CTNNA1: variants seen among roughly 807,000 people sequenced by gnomAD.
CTNNA1 encodes catenin alpha 1, also known as catenin alpha-1.
CTNNA1 carries 37 observed loss-of-function variants against 98.4 expected under a neutral mutation model. The ratio of observed to expected loss-of-function variants is 0.38; its 90% CI spans 0.29 to 0.49. CTNNA1 has a LOEUF of 0.49. Among genes scored for constraint, CTNNA1 ranks in the 20% least tolerant of loss-of-function variants. CTNNA1 has a pLI of 0.95. For missense variants in CTNNA1, 761 were observed against 1,147.2 expected (o/e 0.66, Z 4.86); for synonymous variants, 404 against 413.2 (o/e 0.98, Z 0.27).
intron 9 of CTNNA1, among the ~76,000 whole-genome samples, chr5:138,893,211 G>A (rs1338175710): frequency 1.3e-5 from 2 of 152,062 alleles, no homozygotes; most frequent in Admixed American, 1.3e-4. Flanking sequence ...GAGCAGTGGA[G>A]GCTGTCATCA....
intron 11 of CTNNA1, among the ~76,000 whole-genome samples, chr5:138,919,812 A>G (rs142275520): frequency 8.9e-4 from 136 of 152,302 alleles, no homozygotes; most frequent in Middle Eastern, 3.4e-3. Flanking sequence ...AATCATTAAT[A>G]GGGCAAGGCC....
At chr5:138,918,036 A>G in intron 11 of CTNNA1, 138 bp downstream of exon 11, 1 of 987,524 alleles carries the variant, frequency 1.0e-6, no homozygotes, top group South Asian at 1.7e-5. Context: ...TTTCATTTTA[A>G]TGTTAAAAAA....
Position 138,827,703 on chromosome 5 carries a change from G to A in CTNNA1, c.1047G>A (p.Ser349=), listed in dbSNP as rs752758897. 3.7e-6 allele frequency: 6 copies of A among 1,614,182 alleles called. No individual in the cohort carries two copies. The highest frequency in any genetic ancestry group is 1.6e-4 in the Middle Eastern group (1 of 6,062). The change falls in exon 7 of 18, where the codon TCG becomes TCA. Residue 349 remains serine (S), a synonymous_variant. Transcript: ENST00000302763. The part of the protein sequence containing the change: ...AVRQALQDLL[S]EYMGNAGRKE... The stretch of plus-strand genomic sequence containing the variant: ...GCCAGGCCCTGCAGGACCTGCTTTC[G>A]GAGTACATGGGCAATGTGAGTTTGA...
Position 138,925,330 on chromosome 5 carries a change from G to T in CTNNA1, c.1822G>T (p.Glu608Ter). The T allele has an allele frequency of 6.2e-7, 1 of 1,614,142 alleles. No homozygotes were observed. ...LSSDPAQPMD[E>*]NEFIDASRLV... ...CTCGGACCCTGCCCAGCCCATGGAT[G>T]AGAATGAGTTTATCGATGCTTCCCG... The change falls in exon 13 of 18, where the codon GAG (glutamate) becomes TAG (stop). Residue 608 changes from glutamate to a stop codon, truncating the protein, a stop_gained. Transcript: ENST00000302763. LOFTEE classifies it high-confidence loss of function.
intron 4 of CTNNA1, among the ~76,000 whole-genome samples, chr5:138,811,182 G>C (rs1226835645): frequency 6.8e-6 from 1 of 147,946 alleles, no homozygotes; most frequent in Admixed American, 6.7e-5. Context: ...CAGGCGGAGG[G>C]TCTCCTCACT....
chr5:138,863,620 G>A (rs915626298), intron 7 of CTNNA1, among the ~76,000 whole-genome samples: 1 of 152,162 alleles, frequency 6.6e-6, no homozygotes, highest in Non-Finnish European at 1.5e-5. Context: ...AGGAGAACAC[G>A]TATGATTATC....
At chr5:138,871,859 T>C (rs911175874) in intron 7 of CTNNA1, 2 of 152,240 alleles carry the variant, frequency 1.3e-5, no homozygotes, top group African/African-American at 4.8e-5. Flanking sequence ...GTGTTTTTTT[T>C]CATGGTTCCT....
At chr5:138,811,027 C>T (rs1365610117) in intron 4 of CTNNA1, among the ~76,000 whole-genome samples, 1 of 152,016 alleles carries the variant, frequency 6.6e-6, no homozygotes, top group African/African-American at 2.4e-5. Flanking sequence ...CTGACCCCCA[C>T]CTCCCTCCCG....
chr5:138,843,653 A>T (rs994859245), intron 7 of CTNNA1, among the ~76,000 whole-genome samples: 1 of 152,234 alleles, frequency 6.6e-6, no homozygotes, highest in African/African-American at 2.4e-5. Flanking sequence ...AGGGGTCTTG[A>T]CAAAGTGAAC....
chr5:138,858,718 C>T (rs1250185542), intron 7 of CTNNA1, among the ~76,000 whole-genome samples: 1 of 151,832 alleles, frequency 6.6e-6, no homozygotes, highest in Non-Finnish European at 1.5e-5. Flanking sequence ...GTCTCAGCCT[C>T]CCAAGTAGCT....
Position 138,874,851 on chromosome 5 carries a change from AT to A in CTNNA1, c.1063-11357del, listed in dbSNP as rs1751138809. 6.6e-7 allele frequency: 1 copy of A among 1,523,500 alleles called. No individual in the cohort carries two copies. 94.4% of individuals were successfully genotyped at this position (1,523,500 alleles called of 1,614,324 possible). Reference sequence around the variant, plus strand: ...TCATAAAATGTGAATTCGGTAGCTTATTTTAAAAGCGTGATTCCTTGTTGAA... The same window carrying A: ...TCATAAAATGTGAATTCGGTAGCTTATTTAAAAGCGTGATTCCTTGTTGAA... On this transcript the variant is annotated intron_variant, in intron 7 of 17. Coordinates refer to ENST00000302763, the MANE Select transcript of CTNNA1 (RefSeq NM_001903.5). This position sits in a 1 kb window ranked among gnomAD's most constrained non-coding sequence, Gnocchi z 4.1.
In CTNNA1 at chr5:138,873,612, C is replaced by G. The variant is rs370649836; in HGVS notation, c.1063-12600C>G. On this transcript the variant is annotated intron_variant, in intron 7 of 17. Coordinates refer to ENST00000302763, the MANE Select transcript of CTNNA1 (RefSeq NM_001903.5). The surrounding 1 kb of genome is among the most constrained non-coding windows in gnomAD (Gnocchi z 6.1). ...CAGGAGGCCAGAGCACATATTCGGG[C>G]GCTGCATTCCCACAGATTGCCAGAG... 6.2e-7 allele frequency: 1 copy of G among 1,613,828 alleles called. No homozygotes were observed. Among genetic ancestry groups the G allele is most frequent in the African/African-American group, 1.3e-5 (1 of 74,910 alleles).
chr5:138,888,746 C>T (rs28363449), intron 9 of CTNNA1, among the ~76,000 whole-genome samples: 1,953 of 151,172 alleles, frequency 0.013, 48 homozygotes, highest in African/African-American at 0.04. Flanking sequence ...TTAGTAGAGA[C>T]GGGGCTGGTC....
chr5:138,851,843 G>A (rs1216419914), intron 7 of CTNNA1, among the ~76,000 whole-genome samples: 1 of 152,016 alleles, frequency 6.6e-6, no homozygotes, highest in Non-Finnish European at 1.5e-5. Flanking sequence ...ATCACCTGTG[G>A]TCAGGAGTTC....
chr5:138,834,991 A>C (rs1462147686), intron 7 of CTNNA1, among the ~76,000 whole-genome samples: 1 of 152,102 alleles, frequency 6.6e-6, no homozygotes, highest in African/African-American at 2.4e-5. Context: ...TACATTGTCA[A>C]GGGTGGGGAG....
chr5:138,905,111 A>AACACATACATAC (rs1554105203), intron 10 of CTNNA1, among the ~76,000 whole-genome samples: 1 of 139,270 alleles, frequency 7.2e-6, no homozygotes, highest in Non-Finnish European at 1.5e-5. Context: ...AAAAAAAAAA[A>AACACATACATAC]ATACATACAT....
At chr5:138,821,195 T>C (rs1760007436) in intron 5 of CTNNA1, among the ~76,000 whole-genome samples, 1 of 152,248 alleles carries the variant, frequency 6.6e-6, no homozygotes, top group African/African-American at 2.4e-5. Context: ...TGTTGTTCTT[T>C]GACTGTAAGT....
At chr5:138,876,228 C>T (rs1415456852) in intron 7 of CTNNA1, among the ~76,000 whole-genome samples, 1 of 152,202 alleles carries the variant, frequency 6.6e-6, no homozygotes, top group Non-Finnish European at 1.5e-5. Flanking sequence ...TCCGCTGGTA[C>T]TGAGGTTGGT....
At chr5:138,782,377 C>T (rs574686215) in intron 2 of CTNNA1, 9 of 446,366 alleles carry the variant, frequency 2.0e-5, no homozygotes, top group African/African-American at 4.0e-5. Context: ...CTTAACACAC[C>T]TTTCATTGTG....
Sources: allele counts gnomAD v4.1 joint callset (sites outside exome capture counted in the v4.1 genomes callset), GRCh38; gene constraint gnomAD v4.1.1; non-coding constraint Gnocchi (gnomAD v3.1); transcripts MANE v1.5; gene names NCBI Gene and HGNC (gene_info 2026-07-23, HGNC 2026-07-21).